The following ABLIM1 variants were observed in gnomAD, a reference collection of about 807,000 sequenced individuals.
ABLIM1 encodes the protein actin binding LIM protein 1.
A neutral mutation model predicts 107.0 loss-of-function variants in ABLIM1; 40 were observed. The observed-to-expected ratio is 0.37, with a 90% CI of 0.29 to 0.49. ABLIM1 has a LOEUF of 0.49. ABLIM1 is among the 20% of genes least tolerant of loss of function. The pLI, the probability that ABLIM1 is intolerant of heterozygous loss-of-function variation, is 0.97. For missense variants in ABLIM1, 857 were observed against 1,008.5 expected (o/e 0.85, Z 2.04); for synonymous variants, 357 against 357.3 (o/e 1.00, Z 0.01).
chr10:114,651,835 G>C (rs1294678007), intron 1 of ABLIM1, among the ~76,000 whole-genome samples: 2 of 152,202 alleles, frequency 1.3e-5, no homozygotes, highest in Non-Finnish European at 2.9e-5. Flanking sequence ...TAAGACTGCT[G>C]TTTGGGGGGA....
intron 6 of ABLIM1, among the ~76,000 whole-genome samples, chr10:114,511,340 AT>A (rs1028848517): frequency 5.3e-5 from 8 of 151,672 alleles, no homozygotes; most frequent in Non-Finnish European, 7.4e-5. Context: ...TTTCATTTTA[AT>A]TTTTTTTATA....
At chr10:114,549,240 C>T (rs192657016) in intron 4 of ABLIM1, among the ~76,000 whole-genome samples, 24 of 152,156 alleles carry the variant, frequency 1.6e-4, no homozygotes, top group African/African-American at 5.5e-4. Context: ...AAAAATTAGC[C>T]GGGCATGGTG....
At chr10:114,480,820 G>T (rs76471368) in intron 8 of ABLIM1, among the ~76,000 whole-genome samples, 2 of 152,042 alleles carry the variant, frequency 1.3e-5, no homozygotes, top group Non-Finnish European at 2.9e-5. Flanking sequence ...CTTTACGTTT[G>T]ATTTCAACAA....
intron 1 of ABLIM1, among the ~76,000 whole-genome samples, chr10:114,705,737 C>T (rs1389152258): frequency 1.3e-5 from 2 of 152,122 alleles, no homozygotes. Flanking sequence ...AAACTGTATC[C>T]CTACCTTCCA....
chr10:114,742,867 G>A (rs2082313720), intron 1 of ABLIM1, among the ~76,000 whole-genome samples: 1 of 152,100 alleles, frequency 6.6e-6, no homozygotes, highest in South Asian at 2.1e-4. Flanking sequence ...AGGTTGTAGT[G>A]CGCCAAGATT....
chr10:114,476,959 A>G (rs935710860), intron 8 of ABLIM1, among the ~76,000 whole-genome samples: 24 of 152,132 alleles, frequency 1.6e-4, no homozygotes, highest in Non-Finnish European at 2.9e-5. Context: ...CCCTGTGCCA[A>G]GCACTTCCCA....
intron 11 of ABLIM1, 32 bp downstream of exon 11, chr10:114,468,149 C>G (rs754856578): frequency 6.3e-7 from 1 of 1,595,376 alleles, no homozygotes; most frequent in Admixed American, 1.7e-5. Flanking sequence ...CAAATTCCAC[C>G]CATTAAAATG....
chr10:114,668,248 G>T (rs185012827), intron 1 of ABLIM1, among the ~76,000 whole-genome samples: 5 of 152,272 alleles, frequency 3.3e-5, no homozygotes, highest in Middle Eastern at 3.4e-3. Flanking sequence ...GGAGGAGGTG[G>T]GAGGAGAGAT....
chr10:114,458,649 T>C (rs555219460), intron 12 of ABLIM1, among the ~76,000 whole-genome samples: 1 of 152,312 alleles, frequency 6.6e-6, no homozygotes, highest in East Asian at 1.9e-4. Context: ...ACGGTTTCCT[T>C]CAGCAAGTGT....
At position 114,629,582 on chromosome 10, in the gene ABLIM1, G is replaced by C. The variant is rs560610119; in HGVS notation, c.245-27621C>G. ...ACTTCTGAAAGGCTCACCATCTTGT[G>C]ACAGAGATAGCAGCTGTCAACACAC... is the stretch of plus-strand genomic sequence containing the variant. On this transcript the variant is annotated intron_variant, in intron 1 of 22. Transcript: ENST00000533213. The surrounding 1 kb of genome is among the most constrained non-coding windows in gnomAD (Gnocchi z 4.0). Among the ~76,000 whole-genome samples, 98 of 152,298 alleles carry C rather than the reference G, an allele frequency of 6.4e-4. 1 individual carries two copies. The highest frequency in any genetic ancestry group is 5.4e-3 in the South Asian group (26 of 4,826).
At position 114,453,427 on chromosome 10, in the gene ABLIM1, G is replaced by T; in HGVS notation, c.1498C>A (p.Pro500Thr). Reference protein sequence around the residue: ...SPLPYRPDSRPLTPTYAQAPK... With the variant: ...SPLPYRPDSRTLTPTYAQAPK... ...GCCTGAGCGTAAGTTGGAGTTAGAG[G>T]GCGGCTGTCTGGCCGGTAAGGGAGA... Residue 500 changes from proline to threonine, a missense_variant, in exon 13 of 23, where the codon CCT becomes ACT. Around this residue, in one of 5 missense-constraint regions of ABLIM1, gnomAD observed 381 missense variants for 506.9 expected, o/e 0.75. Coordinates refer to ENST00000533213, the MANE Select transcript of ABLIM1 (RefSeq NM_002313.7). 1 of 1,613,892 alleles carries T rather than the reference G, an allele frequency of 6.2e-7. No individual in the cohort carries two copies. Among genetic ancestry groups the T allele is most frequent in the South Asian group, 1.1e-5 (1 of 91,046 alleles).
intron 14 of ABLIM1, among the ~76,000 whole-genome samples, chr10:114,450,632 G>A (rs1284917551): frequency 1.3e-5 from 2 of 151,752 alleles, no homozygotes; most frequent in African/African-American, 4.8e-5. Context: ...AGAGGAGACA[G>A]GGTTTCGCTA....
intron 1 of ABLIM1, among the ~76,000 whole-genome samples, chr10:114,723,694 CA>C (rs1463399930): frequency 6.6e-6 from 1 of 152,192 alleles, no homozygotes; most frequent in African/African-American, 2.4e-5. Flanking sequence ...ATTTGTGTTT[CA>C]GTGGAAAAGT....
At chr10:114,565,783 G>GC (rs2070596966) in intron 4 of ABLIM1, among the ~76,000 whole-genome samples, 1 of 101,332 alleles carries the variant, frequency 9.9e-6, no homozygotes, top group Non-Finnish European at 2.0e-5. Flanking sequence ...TATCTGAAAT[G>GC]ATTTCTTTTT....
rs185124585 is a variant in ABLIM1 at position 114,579,618 on chromosome 10, A to T, written c.380-4019T>A. 9.0e-4 allele frequency among the ~76,000 whole-genome samples: 137 copies of T among 152,312 alleles called. 1 individual carries two copies. The highest frequency in any genetic ancestry group is 1.6e-3 in the Non-Finnish European group (107 of 68,020). On this transcript the variant is annotated intron_variant, in intron 2 of 22. Transcript: ENST00000533213. Reference sequence around the variant, plus strand: ...CATATAACAAAAAATTTACCATCTTAATCATTTTTAAGTGTACAGGTCAGT... The same window carrying T: ...CATATAACAAAAAATTTACCATCTTTATCATTTTTAAGTGTACAGGTCAGT...
At chr10:114,563,235 C>T (rs548627303) in intron 4 of ABLIM1, among the ~76,000 whole-genome samples, 1 of 152,206 alleles carries the variant, frequency 6.6e-6, no homozygotes, top group African/African-American at 2.4e-5. Flanking sequence ...ATCTTTATCC[C>T]TTTTGTATGT....
At chr10:114,789,451 A>G in the ABLIM1 span, among the ~76,000 whole-genome samples, 2 of 152,038 alleles carry the variant, frequency 1.3e-5, no homozygotes, top group African/African-American at 2.4e-5. Context: ...CATTGACATC[A>G]AAATCTTTTT....
chr10:114,481,306 G>A (rs917965065), intron 8 of ABLIM1, among the ~76,000 whole-genome samples: 10 of 151,864 alleles, frequency 6.6e-5, no homozygotes, highest in Non-Finnish European at 1.0e-4. Flanking sequence ...AGCAGGAGCA[G>A]GGATGCAACA....
At chr10:114,648,178 G>A (rs114877946) in intron 1 of ABLIM1, among the ~76,000 whole-genome samples, 4,199 of 152,126 alleles carry the variant, frequency 0.028, 185 homozygotes, top group African/African-American at 0.089. Context: ...TCCACTCCTC[G>A]GTATATACCC....
Sources: gnomAD v4.1 joint callset for allele counts (sites outside exome capture counted in the v4.1 genomes callset) on GRCh38, gnomAD v4.1.1 for gene constraint, gnomAD v4.1.1 regional missense constraint, Gnocchi (gnomAD v3.1) non-coding constraint, MANE v1.5 for transcripts, NCBI Gene and HGNC (gene_info 2026-07-23, HGNC 2026-07-21) for gene names.